The following PCDHGB2 variants were observed in gnomAD, a reference collection of about 807,000 sequenced individuals.
PCDHGB2 encodes protocadherin gamma-B2.
PCDHGB2 carries 55 observed loss-of-function variants against 59.3 expected under a neutral mutation model. The observed-to-expected ratio is 0.93, with a 90% CI of 0.75 to 1.16. The LOEUF (loss-of-function observed/expected upper bound fraction) is 1.16. PCDHGB2 is among the 50% of genes most tolerant of loss of function. The pLI is 0.00. For synonymous variants in PCDHGB2, 516 were observed against 512.0 expected (o/e 1.01, Z -0.11); for missense variants, 1,228 against 1,198.5 (o/e 1.02, Z -0.36).
chr5:141,433,935 T>C (rs2097665519), intron 1 of PCDHGB2, among the ~76,000 whole-genome samples: 1 of 152,150 alleles, frequency 6.6e-6, no homozygotes, highest in African/African-American at 2.4e-5. Context: ...GATTTTATAA[T>C]TCCATTGTTT....
At chr5:141,394,297 C>A (rs375160983) in intron 1 of PCDHGB2, 1 of 1,613,990 alleles carries the variant, frequency 6.2e-7, no homozygotes, top group Non-Finnish European at 8.5e-7. Context: ...ACCGAGGACA[C>A]GCTGCAGGGG....
chr5:141,510,280 A>G (rs1218058358), intron 3 of PCDHGB2, among the ~76,000 whole-genome samples: 1 of 151,892 alleles, frequency 6.6e-6, no homozygotes, highest in Non-Finnish European at 1.5e-5. Context: ...CTTAAAAAAA[A>G]AAAAAAAAAA....
Position 141,485,243 on chromosome 5 carries a change from C to A in PCDHGB2, c.2422-9564C>A. ...TACCCTTTTGTTCCTCTTTTACCACCTGGGTTACGTTTGTGGGCAGATCCG... is the reference window on the plus strand; with the variant it reads ...TACCCTTTTGTTCCTCTTTTACCACATGGGTTACGTTTGTGGGCAGATCCG... On this transcript the variant is annotated intron_variant, in intron 1 of 3. Transcript: ENST00000522605. This position sits in a 1 kb window ranked among gnomAD's most constrained non-coding sequence, Gnocchi z 5.7. 1 of 1,614,180 alleles carries A rather than the reference C, an allele frequency of 6.2e-7. No homozygotes were observed. The highest frequency in any genetic ancestry group is 8.5e-7 in the Non-Finnish European group (1 of 1,180,000).
At chr5:141,409,587 C>G (rs13184186) in intron 1 of PCDHGB2, 1 of 1,613,902 alleles carries the variant, frequency 6.2e-7, no homozygotes, top group Non-Finnish European at 8.5e-7. Context: ...GTCCACGTGG[C>G]CGAGAACAAC....
At chr5:141,445,312 T>C (rs1419229431) in intron 1 of PCDHGB2, among the ~76,000 whole-genome samples, 2 of 152,194 alleles carry the variant, frequency 1.3e-5, no homozygotes, top group African/African-American at 4.8e-5. Context: ...AGTTTGTAGG[T>C]TGAGAGAACC....
chr5:141,434,784 A>C (rs967716221), intron 1 of PCDHGB2, among the ~76,000 whole-genome samples: 1 of 150,278 alleles, frequency 6.7e-6, no homozygotes, highest in African/African-American at 2.5e-5. Flanking sequence ...AAAAAAAAAA[A>C]TTTTTTTTTC....
intron 1 of PCDHGB2, chr5:141,364,256 A>G (rs949451057): frequency 6.7e-6 from 10 of 1,494,914 alleles, no homozygotes; most frequent in Non-Finnish European, 8.9e-6. Flanking sequence ...GGGAATATGT[A>G]CCCATCGGCT....
intron 1 of PCDHGB2, chr5:141,403,572 C>T (rs749341214): frequency 1.9e-6 from 3 of 1,613,946 alleles, no homozygotes; most frequent in Non-Finnish European, 8.5e-7. Flanking sequence ...GAGGCAACTG[C>T]CCACCACCTG....
chr5:141,399,727 G>A, intron 1 of PCDHGB2: 1 of 1,613,308 alleles, frequency 6.2e-7, no homozygotes, highest in Non-Finnish European at 8.5e-7. Context: ...CCGCGACCAG[G>A]GCTCGCCTGC....
chr5:141,485,786 C>A lies in PCDHGB2; in HGVS notation c.2422-9021C>A. On this transcript the variant is annotated intron_variant, in intron 1 of 3. Transcript: ENST00000522605. This position sits in a 1 kb window ranked among gnomAD's most constrained non-coding sequence, Gnocchi z 5.7. ...GGAGAAGCCTTTGGATCGAGAGAAG[C>A]AATCGGACTACCGCCTGGTGCTGAC... 1 of 1,614,208 alleles carries A rather than the reference C, an allele frequency of 6.2e-7. No individual in the cohort carries two copies. The highest frequency in any genetic ancestry group is 1.3e-5 in the African/African-American group (1 of 75,062).
intron 1 of PCDHGB2, chr5:141,408,147 A>G (rs1357143790): frequency 6.7e-7 from 1 of 1,503,488 alleles, no homozygotes; most frequent in Non-Finnish European, 8.9e-7. Context: ...TTAGCGCGGT[A>G]GAGTGCACTT....
At position 141,360,322 on chromosome 5, in the gene PCDHGB2, G is replaced by T. The variant is rs762271493; in HGVS notation, c.187G>T (p.Ala63Ser). Reference sequence around the variant, plus strand: ...GGGGCTCAGCGTCCGGGACTTGCCAGCCCGGAAGCTGCGGGTTAGCGCGGA... The same window carrying T: ...GGGGCTCAGCGTCCGGGACTTGCCATCCCGGAAGCTGCGGGTTAGCGCGGA... ...DLGLSVRDLP[A>S]RKLRVSAEKE... Residue 63 changes from alanine (A) to serine (S), a missense_variant, in exon 1 of 4, where the codon GCC (alanine) becomes TCC (serine). Around this residue, in one of 3 missense-constraint regions of PCDHGB2, gnomAD observed 781 missense variants for 721.6 expected, o/e 1.08. Transcript: ENST00000522605. The T allele has an allele frequency of 2.5e-5, 41 of 1,613,854 alleles. No homozygotes were observed. Among genetic ancestry groups the T allele is most frequent in the Non-Finnish European group, 3.1e-5 (37 of 1,179,892 alleles).
Position 141,361,957 on chromosome 5 carries a change from G to C in PCDHGB2, c.1822G>C (p.Val608Leu), listed in dbSNP as rs976081209. Residue 608 changes from valine to leucine, a missense_variant, in exon 1 of 4, where the codon GTG (valine) becomes CTG (leucine). Around this residue, in one of 3 missense-constraint regions of PCDHGB2, gnomAD observed 433 missense variants for 441.8 expected, o/e 0.98. Transcript: ENST00000522605. ...SGHNAWLSYH[V>L]LQASEPGLFS... is the part of the protein sequence containing the mutation. The stretch of plus-strand genomic sequence containing the variant: ...ACACAACGCTTGGCTGTCCTACCAC[G>C]TGCTGCAGGCCAGCGAGCCCGGGCT... 1.0e-5 allele frequency: 16 copies of C among 1,603,004 alleles called. No individual in the cohort carries two copies. In the Admixed American group the frequency reaches 1.8e-4, roughly 19 times the overall value.
chr5:141,398,832 C>T (rs967769671), intron 1 of PCDHGB2: 3 of 1,614,000 alleles, frequency 1.9e-6, no homozygotes, highest in Non-Finnish European at 1.7e-6. Flanking sequence ...TAACCGACGC[C>T]AATGATAATC....
chr5:141,371,348 G>T (rs1767688523), intron 1 of PCDHGB2: 4 of 1,613,932 alleles, frequency 2.5e-6, no homozygotes, highest in Middle Eastern at 3.3e-4. Flanking sequence ...ACACAATTGG[G>T]GTGGAAGCAA....
chr5:141,372,811 TGA>T (rs1193015568), intron 1 of PCDHGB2: 2 of 1,586,454 alleles, frequency 1.3e-6, no homozygotes, highest in Admixed American at 1.8e-5. Flanking sequence ...TTGCAAAAGG[TGA>T]GTTTCTTCAA....
intron 1 of PCDHGB2, chr5:141,372,037 T>TGC (rs772549612): frequency 5.6e-6 from 9 of 1,613,494 alleles, no homozygotes; most frequent in Middle Eastern, 1.7e-4. Flanking sequence ...AACGTGAGCC[T>TGC]GCGCGTGTTG....
chr5:141,397,995 C>T, intron 1 of PCDHGB2: 1 of 1,367,706 alleles, frequency 7.3e-7, no homozygotes, highest in Non-Finnish European at 9.8e-7. Flanking sequence ...CCGCTTCCTC[C>T]TCGGAAAAAG....
intron 1 of PCDHGB2, chr5:141,392,848 A>C (rs374832992): frequency 1.2e-6 from 2 of 1,610,796 alleles, no homozygotes; most frequent in Non-Finnish European, 1.7e-6. Flanking sequence ...AGACGCGGCG[A>C]GCTGATCCTG....
Sources: allele counts gnomAD v4.1 joint callset (sites outside exome capture counted in the v4.1 genomes callset), GRCh38; gene constraint gnomAD v4.1.1; regional missense constraint gnomAD v4.1.1; non-coding constraint Gnocchi (gnomAD v3.1); transcripts MANE v1.5; gene names NCBI Gene and HGNC (gene_info 2026-07-23, HGNC 2026-07-21).